ATP9A: variants seen among roughly 807,000 people sequenced by gnomAD.
The protein encoded by ATP9A is probable phospholipid-transporting ATPase IIA.
ATP9A carries 52 observed loss-of-function variants against 144.1 expected under a neutral mutation model. The observed-to-expected ratio is 0.36, with a 90% confidence interval of 0.29 to 0.45. ATP9A has a LOEUF of 0.45. Ranked by LOEUF, ATP9A falls within the 20% of genes least tolerant of loss-of-function variation. ATP9A has a pLI of 1.00. For synonymous variants in ATP9A, 582 were observed against 557.4 expected (o/e 1.04, Z -0.62); for missense variants, 947 against 1,392.7 (o/e 0.68, Z 5.09).
rs746657998 is a variant in ATP9A, at chr20:51,674,245, C to T, written c.945G>A (p.Ser315=). ...KILFGALVVV[S]LVMVALQHFA... is the part of the protein sequence containing the mutation. ...AGTGCTGAAGGGCAACCATGACCAG[C>T]GAGACCACCACCAGGGCACCAAAGA... Residue 315 remains serine, a synonymous_variant, in exon 11 of 28, where the codon TCG becomes TCA. Coordinates refer to ENST00000338821, the MANE Select transcript of ATP9A (RefSeq NM_006045.3). 3.7e-6 allele frequency: 6 copies of T among 1,613,798 alleles called. No homozygotes were observed. In the South Asian group the frequency reaches 4.4e-5, roughly 12 times the overall value.
chr20:51,608,478 G>T, intron 25 of ATP9A, 40 bp downstream of exon 25: 3 of 1,308,502 alleles, frequency 2.3e-6, no homozygotes, highest in South Asian at 1.2e-5. Context: ...GAAAAGCAAA[G>T]GAGGAAAGGA....
rs200305379 is a variant in ATP9A at position 51,676,565 on chromosome 20, A to AC, written c.800-358dup. ...GTGATCTCCGCTTACTGCAACCTCTACCTCCTGGGTTCAAGCAATTATCCT... is the reference window on the plus strand; with the variant it reads ...GTGATCTCCGCTTACTGCAACCTCTACCCTCCTGGGTTCAAGCAATTATCCT... On this transcript the variant is annotated intron_variant, in intron 9 of 27. Coordinates refer to ENST00000338821, the MANE Select transcript of ATP9A (RefSeq NM_006045.3). 2.6e-3 allele frequency among the ~76,000 whole-genome samples: 392 copies of AC among 152,084 alleles called. 2 individuals carry two copies. The highest frequency in any genetic ancestry group is 8.8e-3 in the African/African-American group (367 of 41,484).
rs1568795670 is a variant in ATP9A at position 51,635,750 on chromosome 20, GAAA to G, written c.1668+3590_1668+3592del. ...AGATGGACGGAAGGAAGGAAGGAAG[GAAA>G]AAGAGAAGAGAAAAGAAAAGAGAAA... On this transcript the variant is annotated intron_variant, in intron 15 of 27. Coordinates refer to ENST00000338821, the MANE Select transcript of ATP9A (RefSeq NM_006045.3). 7.8e-4 allele frequency among the ~76,000 whole-genome samples: 103 copies of G among 131,300 alleles called. 1 individual carries two copies. Among genetic ancestry groups the G allele is most frequent in the African/African-American group, 2.6e-3 (97 of 36,710 alleles). 86.1% of individuals were successfully genotyped at this position (131,300 alleles called of 152,430 possible).
chr20:51,766,333 C>CGT (rs1666579639), intron 1 of ATP9A, among the ~76,000 whole-genome samples: 2 of 152,304 alleles, frequency 1.3e-5, no homozygotes, highest in East Asian at 3.9e-4. Flanking sequence ...GACACCCACA[C>CGT]CTGTTGGGCA....
rs531900542 is a variant in ATP9A at position 51,689,242 on chromosome 20, C to A, written c.724-103G>T. On this transcript the variant is annotated intron_variant, in intron 8 of 27. Coordinates refer to ENST00000338821, the MANE Select transcript of ATP9A (RefSeq NM_006045.3). ...CTGGAGATAGAAAGACAGGCTCCCC[C>A]CGATGAACCTGGAAGCCCAGTTTGG... The A allele has an allele frequency of 1.4e-4, 172 of 1,199,452 alleles. 3 individuals are homozygous for A. The Admixed American group carries it at 3.3e-3, about 23-fold the overall frequency. The allele number at this position is 1,199,452 out of a possible 1,614,324, so 74.3% of individuals were successfully genotyped here. A position where few individuals can be genotyped will look rare whatever the true frequency, so the allele number is the denominator to read the frequency against.
At chr20:51,670,973 ATCT>A (rs1352511382) in intron 12 of ATP9A, 139 bp downstream of exon 12, 8 of 969,246 alleles carry the variant, frequency 8.3e-6, no homozygotes, top group Non-Finnish European at 1.2e-5. Context: ...TCACCAAAGA[ATCT>A]TCATCAAAAG....
intron 15 of ATP9A, 85 bp from the exon 16 acceptor site, chr20:51,629,157 T>G: frequency 2.8e-6 from 3 of 1,089,654 alleles, no homozygotes; most frequent in Non-Finnish European, 4.1e-6. Context: ...ACAGACAGTG[T>G]ACAAAGTGCA....
chr20:51,657,002 T>C lies in ATP9A; in HGVS notation c.1442A>G (p.Gln481Arg). 1.9e-6 allele frequency: 3 copies of C among 1,614,244 alleles called. No homozygotes were observed. The highest frequency in any genetic ancestry group is 2.5e-6 in the Non-Finnish European group (3 of 1,180,042). ...TTCGTACTGCTTCTCGGCCTCAGCC[T>C]GATCAGTCACACCGTTGGACTCATA... ...PVYESNGVTD[Q>R]AEAEKQYEDS... The change falls in exon 14 of 28, where the codon CAG becomes CGG. Residue 481 changes from glutamine (Q) to arginine (R), a missense_variant. Coordinates refer to ENST00000338821, the MANE Select transcript of ATP9A (RefSeq NM_006045.3).
At chr20:51,720,422 C>G (rs1568835308) in intron 3 of ATP9A, among the ~76,000 whole-genome samples, 2 of 152,178 alleles carry the variant, frequency 1.3e-5, no homozygotes, top group Non-Finnish European at 2.9e-5. Flanking sequence ...TTGGGTCTGG[C>G]AACTCCTGGT....
At position 51,611,772 on chromosome 20, in the gene ATP9A, G is replaced by A. The variant is rs1174773041; in HGVS notation, c.2572-1607C>T. On this transcript the variant is annotated intron_variant, in intron 23 of 27. Coordinates refer to ENST00000338821, the MANE Select transcript of ATP9A (RefSeq NM_006045.3). The surrounding 1 kb of genome is among the most constrained non-coding windows in gnomAD (Gnocchi z 4.2). ...CAGCATTATCCTGTTCAATTGGTGA[G>A]TTAACATAAAAGTACAGATGTGGTC... Among the ~76,000 whole-genome samples, 1 of 152,222 alleles carries A rather than the reference G, an allele frequency of 6.6e-6. No individual in the cohort carries two copies. The highest frequency in any genetic ancestry group is 2.4e-5 in the African/African-American group (1 of 41,456).
intron 18 of ATP9A, among the ~76,000 whole-genome samples, chr20:51,623,675 C>A (rs2077235680): frequency 6.6e-6 from 1 of 151,496 alleles, no homozygotes; most frequent in Non-Finnish European, 1.5e-5. Context: ...ATAATCCCAG[C>A]TACTTGGGAG....
At chr20:51,636,733 G>A (rs935441485) in intron 15 of ATP9A, among the ~76,000 whole-genome samples, 13 of 148,826 alleles carry the variant, frequency 8.7e-5, no homozygotes, top group African/African-American at 2.9e-4. Context: ...CCAAACATCA[G>A]TCCTAATGGT....
intron 2 of ATP9A, among the ~76,000 whole-genome samples, chr20:51,728,613 C>T (rs1055574300): frequency 4.8e-5 from 6 of 125,164 alleles, no homozygotes; most frequent in South Asian, 5.4e-4. Flanking sequence ...GGCGACAGAG[C>T]GAGACTCCAT....
chr20:51,759,847 T>C (rs181924347), intron 1 of ATP9A, among the ~76,000 whole-genome samples: 27 of 152,196 alleles, frequency 1.8e-4, no homozygotes, highest in African/African-American at 5.5e-4. Flanking sequence ...TATTTGCAAA[T>C]TCACCAAATC....
intron 21 of ATP9A, among the ~76,000 whole-genome samples, chr20:51,618,211 T>C (rs1255109826): frequency 1.4e-5 from 2 of 146,416 alleles, no homozygotes; most frequent in Admixed American, 6.7e-5. Flanking sequence ...AGAGTGTGAC[T>C]CCGTCTTAAA....
chr20:51,609,306 G>T (rs746823616), intron 24 of ATP9A, among the ~76,000 whole-genome samples: 10 of 152,164 alleles, frequency 6.6e-5, no homozygotes, highest in Non-Finnish European at 1.2e-4. Context: ...CCAGTTAGAA[G>T]CAGGCAGAAT....
intron 7 of ATP9A, among the ~76,000 whole-genome samples, chr20:51,693,309 G>A (rs544580567): frequency 6.6e-6 from 1 of 152,292 alleles, no homozygotes; most frequent in East Asian, 1.9e-4. Context: ...ACTCGCCAGG[G>A]ATCAGAGGGC....
intron 18 of ATP9A, among the ~76,000 whole-genome samples, chr20:51,624,030 G>T (rs922807343): frequency 3.3e-5 from 5 of 152,144 alleles, no homozygotes; most frequent in African/African-American, 1.2e-4. Flanking sequence ...GCAGAAAATG[G>T]AAACTCCAGA....
In ATP9A at chr20:51,736,260, G is replaced by A. The variant is rs539786347; in HGVS notation, c.69-6282C>T. Among the ~76,000 whole-genome samples, 199 of 152,242 alleles carry A rather than the reference G, an allele frequency of 1.3e-3. 1 individual carries two copies. Among genetic ancestry groups the A allele is most frequent in the African/African-American group, 4.6e-3 (192 of 41,544 alleles). On this transcript the variant is annotated intron_variant, in intron 1 of 27. Coordinates refer to ENST00000338821, the MANE Select transcript of ATP9A (RefSeq NM_006045.3). ...GACAAGGAGGGAGGAGATGGGGGGC[G>A]GACAACACAGGGCTTTGTCACCAGG...
Sources: allele counts gnomAD v4.1 joint callset (sites outside exome capture counted in the v4.1 genomes callset), GRCh38; gene constraint gnomAD v4.1.1; non-coding constraint Gnocchi (gnomAD v3.1); transcripts MANE v1.5; gene names NCBI Gene and HGNC (gene_info 2026-07-23, HGNC 2026-07-21).